CACNA1A: variants seen among roughly 807,000 people sequenced by gnomAD.
The protein encoded by CACNA1A is voltage-dependent P/Q-type calcium channel subunit alpha-1A.
CACNA1A carries 57 observed loss-of-function variants against 262.4 expected under a neutral mutation model. The ratio of observed to expected loss-of-function variants is 0.22; its 90% confidence interval spans 0.18 to 0.27. The LOEUF (loss-of-function observed/expected upper bound fraction) is 0.27. Among genes scored for constraint, CACNA1A ranks in the 10% least tolerant of loss-of-function variants. CACNA1A has a pLI of 1.00. For missense variants in CACNA1A, 2,526 were observed against 3,562.8 expected, an observed-to-expected ratio of 0.71 and a Z score of 7.41; for synonymous variants, 1,431 against 1,419.3, an observed-to-expected ratio of 1.01 and a Z score of -0.18.
At chr19:13,351,175 A>G (rs2058901817) in intron 6 of CACNA1A, among the ~76,000 whole-genome samples, 1 of 152,192 alleles carries the variant, frequency 6.6e-6, no homozygotes, top group Admixed American at 6.5e-5. Context: ...TTCGGAAATG[A>G]GTCACTAAAT....
intron 19 of CACNA1A, among the ~76,000 whole-genome samples, chr19:13,296,853 G>A (rs557674286): frequency 6.6e-6 from 1 of 152,224 alleles, no homozygotes; most frequent in Admixed American, 6.5e-5. Context: ...TAGACATCCT[G>A]GGCTCCAGTG....
At chr19:13,228,472 T>G (rs1364415844) in intron 36 of CACNA1A, 1 of 175,488 alleles carries the variant, frequency 5.7e-6, no homozygotes, top group Non-Finnish European at 1.2e-5. Flanking sequence ...CAAAGATGGC[T>G]GAAGGCTGAA....
At chr19:13,224,942 C>T in intron 37 of CACNA1A, 170 bp from the exon 38 acceptor site, 1 of 561,170 alleles carries the variant, frequency 1.8e-6, no homozygotes, top group Admixed American at 3.0e-5. Flanking sequence ...CTCTTGGTGG[C>T]CCGCAGGGAG....
intron 3 of CACNA1A, among the ~76,000 whole-genome samples, chr19:13,440,311 A>G (rs2060694159): frequency 6.6e-6 from 1 of 152,158 alleles, no homozygotes; most frequent in African/African-American, 2.4e-5. Context: ...TGGGGTGACA[A>G]TGAATCCCTT....
rs776085303 is a variant in CACNA1A at position 13,262,699 on chromosome 19, C to T, written c.4089+35G>A. The T allele has an allele frequency of 3.6e-5, 46 of 1,288,690 alleles. 1 individual carries two copies. Among genetic ancestry groups the T allele is most frequent in the Admixed American group, 1.4e-4 (8 of 55,298 alleles). The allele number at this position is 1,288,690 out of a possible 1,614,324, so 79.8% of individuals were successfully genotyped here. On this transcript the variant is annotated intron_variant, in intron 25 of 46. Coordinates refer to ENST00000360228, the MANE Select transcript of CACNA1A (RefSeq NM_001127222.2). Reference sequence around the variant, plus strand: ...AGCTGTACATGATAACCCTGACAGTCCCCCCCACCGCACCCCACCATCTCC... The same window carrying T: ...AGCTGTACATGATAACCCTGACAGTTCCCCCCACCGCACCCCACCATCTCC...
chr19:13,297,285 G>A (rs1159346580), intron 19 of CACNA1A, among the ~76,000 whole-genome samples: 1 of 152,166 alleles, frequency 6.6e-6, no homozygotes, highest in African/African-American at 2.4e-5. Flanking sequence ...ACGACAGTGG[G>A]GCTTCTCTTA....
rs928128472 is a variant in CACNA1A at position 13,227,607 on chromosome 19, A to T, written c.5529-80T>A. On this transcript the variant is annotated intron_variant, in intron 36 of 46. Coordinates refer to ENST00000360228, the MANE Select transcript of CACNA1A (RefSeq NM_001127222.2). ...AATGGGAACAGAGAACCAAAGGAAG[A>T]GAGGTGGGGAGAAACAGAAGAAAGA... 14 of 591,338 alleles carry T rather than the reference A, an allele frequency of 2.4e-5. 1 individual carries two copies. The South Asian group carries it at 5.4e-4, about 23-fold the overall frequency. The allele number at this position is 591,338 out of a possible 1,614,324, so 36.6% of individuals were successfully genotyped here.
rs150172128 is a variant in CACNA1A at position 13,374,593 on chromosome 19, C to A, written c.540-2814G>T. On this transcript the variant is annotated intron_variant, in intron 3 of 46. Coordinates refer to ENST00000360228, the MANE Select transcript of CACNA1A (RefSeq NM_001127222.2). ...ATTTACTTTATTTTTCTCTTCTCCT[C>A]CCAGCTTTCTGGTACTAATTTGGGT... Among the ~76,000 whole-genome samples the A allele has an allele frequency of 7.2e-5, 11 of 152,152 alleles. 1 individual carries two copies. Among genetic ancestry groups the A allele is most frequent in the African/African-American group, 2.4e-4 (10 of 41,520 alleles).
chr19:13,492,426 C>G (rs1049431457), intron 1 of CACNA1A, among the ~76,000 whole-genome samples: 1 of 152,158 alleles, frequency 6.6e-6, no homozygotes, highest in Non-Finnish European at 1.5e-5. Flanking sequence ...TGGGCCACGT[C>G]GTCAGGGAAA....
At chr19:13,402,733 C>CAT (rs1184133359) in intron 3 of CACNA1A, among the ~76,000 whole-genome samples, 27 of 140,860 alleles carry the variant, frequency 1.9e-4, no homozygotes, top group Non-Finnish European at 3.3e-4. Context: ...TATATATATA[C>CAT]ATATATATAC....
At chr19:13,283,520 C>A in intron 21 of CACNA1A, 124 bp from the exon 22 acceptor site, 2 of 1,294,250 alleles carry the variant, frequency 1.5e-6, no homozygotes, top group Non-Finnish European at 1.1e-6. Context: ...TCCTACACAA[C>A]AAACTATTAA....
intron 24 of CACNA1A, chr19:13,275,289 G>T: frequency 6.4e-6 from 1 of 156,248 alleles, no homozygotes; most frequent in Non-Finnish European, 1.4e-5. Context: ...GTGCCATCCT[G>T]AAATGGCTGC....
At chr19:13,398,261 G>T (rs148546544) in intron 3 of CACNA1A, among the ~76,000 whole-genome samples, 1 of 148,308 alleles carries the variant, frequency 6.7e-6, no homozygotes, top group African/African-American at 2.5e-5. Flanking sequence ...AAACTCCGTC[G>T]CAAAAGAAAA....
At chr19:13,363,055 C>T (rs1175857612) in intron 5 of CACNA1A, 1 of 152,130 alleles carries the variant, frequency 6.6e-6, no homozygotes, top group Non-Finnish European at 1.5e-5. Context: ...GTCTCTTACT[C>T]ACACGTCTTA....
intron 1 of CACNA1A, among the ~76,000 whole-genome samples, chr19:13,468,926 C>A (rs1451158739): frequency 6.6e-6 from 1 of 152,158 alleles, no homozygotes; most frequent in African/African-American, 2.4e-5. Flanking sequence ...AATATGTCCA[C>A]CATCATGGCC....
chr19:13,243,192 C>A (rs1052134071), intron 31 of CACNA1A, among the ~76,000 whole-genome samples: 17 of 152,208 alleles, frequency 1.1e-4, no homozygotes, highest in Non-Finnish European at 2.2e-4. Flanking sequence ...GGAGAATGAC[C>A]AGGTGGGGGC....
chr19:13,233,088 A>G (rs1195631670), intron 34 of CACNA1A, among the ~76,000 whole-genome samples: 5 of 150,996 alleles, frequency 3.3e-5, no homozygotes, highest in Admixed American at 3.3e-4. Context: ...CATGAAGGTG[A>G]CAGTCATCTC....
chr19:13,279,242 G>A (rs1054820941), intron 22 of CACNA1A, among the ~76,000 whole-genome samples: 2 of 152,158 alleles, frequency 1.3e-5, no homozygotes, highest in South Asian at 4.1e-4. Context: ...TTAGGTTCAA[G>A]TATTCCTAAT....
Position 13,286,683 on chromosome 19 carries a change from G to T in CACNA1A, c.3373C>A (p.Pro1125Thr). Residue 1125 changes from proline (P) to threonine (T), a missense_variant, in exon 20 of 47, where the codon CCC becomes ACC. Physicochemically the swap from Pro to Thr is conservative, Grantham distance 38. Coordinates refer to ENST00000360228, the MANE Select transcript of CACNA1A (RefSeq NM_001127222.2). ...TTGGATGGGTTCCCCGGGTTGTTGG[G>T]CGTCCGGCGGCTGGCGGCGTTCTGG... ...NPQNAASRRT[P>T]NNPGNPSNPG... 1 of 1,569,632 alleles carries T rather than the reference G, an allele frequency of 6.4e-7. No homozygotes were observed.
Sources: allele counts gnomAD v4.1 joint callset (sites outside exome capture counted in the v4.1 genomes callset), GRCh38; gene constraint gnomAD v4.1.1; transcripts MANE v1.5; gene names NCBI Gene and HGNC (gene_info 2026-07-23, HGNC 2026-07-21).